The following TRIM33 variants were observed in gnomAD, a reference collection of about 807,000 sequenced individuals.
TRIM33 encodes E3 ubiquitin-protein ligase TRIM33.
Under a neutral mutation model 125.4 loss-of-function variants are expected in TRIM33, and 20 were observed. The observed-to-expected ratio is 0.16, with a 90% CI of 0.11 to 0.23. TRIM33 has a LOEUF of 0.23. Among genes scored for constraint, TRIM33 ranks in the 10% least tolerant of loss-of-function variants. TRIM33 has a pLI of 1.00. For missense variants in TRIM33, 920 were observed against 1,411.4 expected (o/e 0.65, Z 5.58); for synonymous variants, 564 against 513.9 (o/e 1.10, Z -1.32).
chr1:114,458,777 T>C (rs1174374935), intron 4 of TRIM33, among the ~76,000 whole-genome samples: 1 of 152,180 alleles, frequency 6.6e-6, no homozygotes, highest in Non-Finnish European at 1.5e-5. Context: ...GTCTGGGTGA[T>C]AACATACTGA....
chr1:114,493,755 T>C (rs1273219484), intron 1 of TRIM33, among the ~76,000 whole-genome samples: 1 of 152,162 alleles, frequency 6.6e-6, no homozygotes, highest in Non-Finnish European at 1.5e-5. Flanking sequence ...CAATGCAGCC[T>C]CAACCTCCCC....
intron 14 of TRIM33, 79 bp downstream of exon 14, chr1:114,406,862 T>TA: frequency 7.3e-7 from 1 of 1,368,156 alleles, no homozygotes. Flanking sequence ...ACCCACTACT[T>TA]AGTCTTAATA....
In TRIM33 at chr1:114,469,129, T is replaced by G. The variant is rs530100655; in HGVS notation, c.527-4741A>C. ...TCAGAAGATATATTAAGGAATACTT[T>G]TCACACATGCTGATCACTGGACACA... On this transcript the variant is annotated intron_variant, in intron 1 of 19. Transcript: ENST00000358465. 3.7e-5 allele frequency: 8 copies of G among 217,378 alleles called. 1 individual carries two copies. The South Asian group carries it at 5.2e-4, about 14-fold the overall frequency. 13.5% of individuals were successfully genotyped at this position (217,378 alleles called of 1,614,324 possible). A position where few individuals can be genotyped will look rare whatever the true frequency, so the allele number is the denominator to read the frequency against.
chr1:114,478,634 A>C (rs1334650313), intron 1 of TRIM33, among the ~76,000 whole-genome samples: 1 of 152,242 alleles, frequency 6.6e-6, no homozygotes, highest in Non-Finnish European at 1.5e-5. Flanking sequence ...GTGTTCAAAT[A>C]ATAAAATAAT....
chr1:114,454,194 AGGT>A (rs1398608205), intron 4 of TRIM33, among the ~76,000 whole-genome samples: 1 of 152,204 alleles, frequency 6.6e-6, no homozygotes, highest in Non-Finnish European at 1.5e-5. Flanking sequence ...TTACTAAAAC[AGGT>A]GGTTTGCGAA....
chr1:114,484,341 TA>T (rs201173245), intron 1 of TRIM33, among the ~76,000 whole-genome samples: 1 of 151,986 alleles, frequency 6.6e-6, no homozygotes, highest in Non-Finnish European at 1.5e-5. Flanking sequence ...GGTAAAAAAA[TA>T]AAAAAAACTT....
At chr1:114,480,885 T>C (rs770670307) in intron 1 of TRIM33, among the ~76,000 whole-genome samples, 1 of 151,774 alleles carries the variant, frequency 6.6e-6, no homozygotes, top group Non-Finnish European at 1.5e-5. Context: ...GAGGAGAAGA[T>C]AAAATCATGA....
intron 1 of TRIM33, among the ~76,000 whole-genome samples, chr1:114,478,890 C>T (rs1250377452): frequency 6.6e-6 from 1 of 151,836 alleles, no homozygotes; most frequent in Non-Finnish European, 1.5e-5. Context: ...CTACTAAAAA[C>T]ACAAAAAATT....
chr1:114,470,168 T>C (rs1167903389), intron 1 of TRIM33, among the ~76,000 whole-genome samples: 1 of 152,224 alleles, frequency 6.6e-6, no homozygotes, highest in African/African-American at 2.4e-5. Flanking sequence ...CTTGAAGTTA[T>C]ACAGGAATAT....
intron 6 of TRIM33, 24 bp downstream of exon 6, chr1:114,430,774 T>C (rs1293401178): frequency 7.6e-7 from 1 of 1,321,112 alleles, no homozygotes; most frequent in Admixed American, 1.7e-5. Flanking sequence ...GCAGTTTTTG[T>C]TTTATTTTGG....
chr1:114,426,520 T>C lies in TRIM33; in HGVS notation c.1420+657A>G, dbSNP rs1572040199. ...ATGCAAAGATTACTTTTTTTTTTTTTTTAAAAAAAAAGGGCAACCAGCCTC... is the reference window on the plus strand; with the variant it reads ...ATGCAAAGATTACTTTTTTTTTTTTCTTAAAAAAAAAGGGCAACCAGCCTC... On this transcript the variant is annotated intron_variant, in intron 8 of 19. Transcript: ENST00000358465. Among the ~76,000 whole-genome samples, 4 of 150,300 alleles carry C rather than the reference T, an allele frequency of 2.7e-5. No individual in the cohort carries two copies. In the South Asian group the frequency reaches 8.3e-4, roughly 31 times the overall value.
At chr1:114,483,242 G>A (rs1463326488) in intron 1 of TRIM33, among the ~76,000 whole-genome samples, 1 of 151,816 alleles carries the variant, frequency 6.6e-6, no homozygotes, top group African/African-American at 2.4e-5. Context: ...ATGAGATGAA[G>A]GCTGCAGAGA....
intron 1 of TRIM33, among the ~76,000 whole-genome samples, chr1:114,473,316 G>A (rs1200958677): frequency 6.6e-6 from 1 of 151,808 alleles, no homozygotes; most frequent in Non-Finnish European, 1.5e-5. Flanking sequence ...TTTATAGAAG[G>A]ATGCGCCCTC....
At chr1:114,500,350 C>T (rs997722671) in intron 1 of TRIM33, among the ~76,000 whole-genome samples, 21 of 152,038 alleles carry the variant, frequency 1.4e-4, no homozygotes, top group Admixed American at 9.2e-4. Flanking sequence ...AAAGAGATGG[C>T]GGCGTCTCTC....
chr1:114,501,144 C>A (rs964991494), intron 1 of TRIM33, among the ~76,000 whole-genome samples: 1 of 63,810 alleles, frequency 1.6e-5, no homozygotes, highest in South Asian at 4.8e-4. Context: ...GAGCCGAGAT[C>A]CCGCCACTGC....
Position 114,397,608 on chromosome 1 carries a change from T to C in TRIM33, c.*40A>G. On this transcript the variant is annotated 3_prime_UTR_variant, in exon 20 of 20. Transcript: ENST00000358465. ...TTTTGTGTTTTTTTTTTTTTTTTCG[T>C]TTTTTTTTTTTTAAACAATTGATTT... The C allele has an allele frequency of 1.4e-6, 1 of 711,408 alleles. No individual in the cohort carries two copies. The highest frequency in any genetic ancestry group is 3.1e-5 in the Admixed American group (1 of 32,408). The allele number at this position is 711,408 out of a possible 1,614,324, so 44.1% of individuals were successfully genotyped here.
At chr1:114,486,997 G>C (rs1407167669) in intron 1 of TRIM33, among the ~76,000 whole-genome samples, 1 of 150,124 alleles carries the variant, frequency 6.7e-6, no homozygotes, top group East Asian at 2.0e-4. Flanking sequence ...TGAAGCAGGC[G>C]AATCACTTGA....
At chr1:114,461,960 GTCAAATTTGAGACATT>G (rs1276803795) in intron 4 of TRIM33, among the ~76,000 whole-genome samples, 4 of 152,142 alleles carry the variant, frequency 2.6e-5, no homozygotes, top group Non-Finnish European at 5.9e-5. Flanking sequence ...CCTTTATATA[GTCAAATTTGAGACATT>G]CTGCATTCTA....
At chr1:114,425,778 G>T in intron 8 of TRIM33, 55 bp from the exon 9 acceptor site, 2 of 1,312,158 alleles carry the variant, frequency 1.5e-6, no homozygotes, top group Non-Finnish European at 1.1e-6. Context: ...CATCTACTTT[G>T]TTGAGTAATC....
Sources: allele counts gnomAD v4.1 joint callset (sites outside exome capture counted in the v4.1 genomes callset), GRCh38; gene constraint gnomAD v4.1.1; transcripts MANE v1.5; gene names NCBI Gene and HGNC (gene_info 2026-07-23, HGNC 2026-07-21).